The following DAXX variants were observed in gnomAD, a reference collection of about 807,000 sequenced individuals.
DAXX encodes death domain-associated protein 6.
In DAXX, 24 loss-of-function variants were observed where a neutral mutation model predicts 61.9. The ratio of observed to expected loss-of-function variants is 0.39; its 90% CI spans 0.28 to 0.55. DAXX has a LOEUF of 0.55. DAXX is among the 20% of genes least tolerant of loss of function. The probability of loss-of-function intolerance (pLI) is 0.69; values close to 1 mark genes in which losing one functional copy is unlikely to be tolerated. For synonymous variants in DAXX, 357 were observed against 369.5 expected (o/e 0.97, Z 0.39); for missense variants, 819 against 935.3 (o/e 0.88, Z 1.62).
Position 33,319,470 on chromosome 6 carries a change from A to G in DAXX, c.1850T>C (p.Val617Ala), listed in dbSNP as rs764773519. 21 of 1,613,856 alleles carry G rather than the reference A, an allele frequency of 1.3e-5. No individual in the cohort carries two copies. The highest frequency in any genetic ancestry group is 1.8e-5 in the Non-Finnish European group (21 of 1,180,006). Residue 617 changes from valine (V) to alanine (A), a missense_variant, in exon 6 of 8, where the codon GTC becomes GCC. Val to Ala is a moderately conservative substitution (Grantham distance 64). Coordinates refer to ENST00000374542, the MANE Select transcript of DAXX (RefSeq NM_001141969.2). ...MVSSTSFNGG[V>A]SPHNWGDSGP... ...AGAATCTCCCCAGTTGTGAGGAGAG[A>G]CGCCTCCATTGAAGGAAGTAGAAGA...
chr6:33,322,834 T>G, intron 1 of DAXX, 28 bp downstream of exon 1: 212 of 475,014 alleles, frequency 4.5e-4, no homozygotes, highest in Non-Finnish European at 7.1e-4. Flanking sequence ...CGCCCCCGCC[T>G]CTGATCCCCG....
At position 33,321,128 on chromosome 6, in the gene DAXX, T is replaced by C. The variant is rs750808441; in HGVS notation, c.647A>G (p.Asp216Gly). 16 of 1,613,258 alleles carry C rather than the reference T, an allele frequency of 9.9e-6. No individual in the cohort carries two copies. The highest frequency in any genetic ancestry group is 1.4e-5 in the Non-Finnish European group (16 of 1,179,324). ...QEKELDLSEL[D>G]DPDSAYLQEA... is the part of the protein sequence containing the mutation. ...CTGCAGGTATGCGGAGTCTGGGTCA[T>C]CCAATTCTGAGAGATCCAACTCCTT... The change falls in exon 3 of 8, where the codon GAT becomes GGT. Residue 216 changes from aspartate to glycine, a missense_variant. Physicochemically the swap from Asp to Gly is moderately conservative, Grantham distance 94. Coordinates refer to ENST00000374542, the MANE Select transcript of DAXX (RefSeq NM_001141969.2). The surrounding 1 kb of genome is among the most constrained non-coding windows in gnomAD (Gnocchi z 7.2).
In DAXX at chr6:33,319,762, C is replaced by T; in HGVS notation, c.1558G>A (p.Glu520Lys). 2 of 1,614,182 alleles carry T rather than the reference C, an allele frequency of 1.2e-6. No homozygotes were observed. Among genetic ancestry groups the T allele is most frequent in the Non-Finnish European group, 1.7e-6 (2 of 1,180,034 alleles). The change falls in exon 6 of 8, where the codon GAG becomes AAG. Residue 520 changes from glutamate to lysine, a missense_variant. Coordinates refer to ENST00000374542, the MANE Select transcript of DAXX (RefSeq NM_001141969.2). ...PGKQISRSSGEQQNKGRIVSP... is the reference protein window; with the variant it reads ...PGKQISRSSGKQQNKGRIVSP... ...ACTATGCGTCCTTTGTTTTGCTGCT[C>T]CCCTGAAGATCTGCTGATCTGTTTG...
chr6:33,321,310 G>A lies in DAXX; in HGVS notation c.465C>T (p.Pro155=), dbSNP rs1770580009. 6.2e-7 allele frequency: 1 copy of A among 1,611,492 alleles called. No homozygotes were observed. The highest frequency in any genetic ancestry group is 1.3e-5 in the African/African-American group (1 of 74,868). Residue 155 remains proline (P), a synonymous_variant, in exon 3 of 8, where the codon CCC becomes CCT. Transcript: ENST00000374542. The surrounding 1 kb of genome is among the most constrained non-coding windows in gnomAD (Gnocchi z 7.2). ...LAPAATTSNE[P]SGNNPPTHLS... Reference sequence around the variant, plus strand: ...GGTGTGTGGGAGGGTTATTCCCAGAGGGCTCATTGGAGGTGGTGGCGGCAG... The same window carrying A: ...GGTGTGTGGGAGGGTTATTCCCAGAAGGCTCATTGGAGGTGGTGGCGGCAG...
chr6:33,318,950 A>G, intron 7 of DAXX, 47 bp downstream of exon 7: 1 of 1,537,258 alleles, frequency 6.5e-7, no homozygotes, highest in East Asian at 2.3e-5. Context: ...GAAACAGCCA[A>G]TGAAAGAGAA....
rs755501402 is a variant in DAXX, at chr6:33,320,111, C to T, written c.1365G>A (p.Glu455=). Residue 455 remains glutamate (E), a synonymous_variant, in exon 5 of 8, where the codon GAG becomes GAA. Transcript: ENST00000374542. The surrounding 1 kb of genome is among the most constrained non-coding windows in gnomAD (Gnocchi z 7.1). ...EEEEEEEEEE[E]EEATDSEEEE... The stretch of plus-strand genomic sequence containing the variant: ...CCTCTTCAGAATCTGTGGCCTCCTC[C>T]TCTTCTTCTTCCTCCTCCTCCTCCT... The T allele has an allele frequency of 1.4e-5, 23 of 1,613,800 alleles. No homozygotes were observed. The highest frequency in any genetic ancestry group is 1.9e-5 in the Non-Finnish European group (22 of 1,179,940).
In DAXX at chr6:33,319,138, A is replaced by C. The variant is rs1770196644; in HGVS notation, c.2022T>G (p.Ala674=). The C allele has an allele frequency of 1.2e-6, 2 of 1,614,098 alleles. No individual in the cohort carries two copies. Among genetic ancestry groups the C allele is most frequent in the Non-Finnish European group, 1.7e-6 (2 of 1,180,038 alleles). ...CTLPSPPSPL[A]SLAPVADSST... ...AGGAATCAGCAACTGGGGCCAAGGA[A>C]GCCAAGGGGGAAGGTGGGCTGGGCA... is the stretch of plus-strand genomic sequence containing the variant. The change falls in exon 7 of 8, where the codon GCT becomes GCG. Residue 674 remains alanine (A), a synonymous_variant. Coordinates refer to ENST00000374542, the MANE Select transcript of DAXX (RefSeq NM_001141969.2).
At chr6:33,319,267 C>A (rs2150987919) in intron 6 of DAXX, 48 bp from the exon 7 acceptor site, 1 of 1,566,036 alleles carries the variant, frequency 6.4e-7, no homozygotes, top group Admixed American at 1.8e-5. Flanking sequence ...AAGACTGAGG[C>A]TGGAGGGGGG....
Position 33,320,045 on chromosome 6 carries a change from A to C in DAXX, c.1431T>G (p.Asp477Glu), listed in dbSNP as rs145347312. Reference sequence around the variant, plus strand: ...CTTCTTCCTCTTCGTCCTCCTCTTCATCATCCTCCTGACCCTCCTGCATCT... The same window carrying C: ...CTTCTTCCTCTTCGTCCTCCTCTTCCTCATCCTCCTGACCCTCCTGCATCT... ...LEQMQEGQED[D>E]EEEDEEEEAA... is the part of the protein sequence containing the mutation. Residue 477 changes from aspartate to glutamate, a missense_variant, in exon 5 of 8, where the codon GAT becomes GAG. Asp to Glu is a conservative substitution (Grantham distance 45, BLOSUM62 2). Coordinates refer to ENST00000374542, the MANE Select transcript of DAXX (RefSeq NM_001141969.2). This position sits in a 1 kb window ranked among gnomAD's most constrained non-coding sequence, Gnocchi z 7.1. 14 of 1,613,276 alleles carry C rather than the reference A, an allele frequency of 8.7e-6. No individual in the cohort carries two copies. In the East Asian group the frequency reaches 3.1e-4, roughly 36 times the overall value.
intron 5 of DAXX, 72 bp from the exon 6 acceptor site, chr6:33,319,926 G>T: frequency 6.2e-7 from 1 of 1,601,168 alleles, no homozygotes; most frequent in South Asian, 1.1e-5. Context: ...AGGACACTAG[G>T]AGGAGGAAGG....
At position 33,318,707 on chromosome 6, in the gene DAXX, C is replaced by G; in HGVS notation, c.*36G>C. 9.3e-7 allele frequency: 1 copy of G among 1,076,180 alleles called. No individual in the cohort carries two copies. The highest frequency in any genetic ancestry group is 1.4e-6 in the Non-Finnish European group (1 of 730,304). The allele number at this position is 1,076,180 out of a possible 1,614,324, so 66.7% of individuals were successfully genotyped here. ...TTCCCACCTTCCTCCAAATGTTATCCCAGAACATTCTGGAGGCAGGGAGAA... is the reference window on the plus strand; with the variant it reads ...TTCCCACCTTCCTCCAAATGTTATCGCAGAACATTCTGGAGGCAGGGAGAA... On this transcript the variant is annotated 3_prime_UTR_variant, in exon 8 of 8. Coordinates refer to ENST00000374542, the MANE Select transcript of DAXX (RefSeq NM_001141969.2).
intron 1 of DAXX, 134 bp from the exon 2 acceptor site, chr6:33,322,111 T>C (rs1441894315): frequency 7.2e-6 from 4 of 556,756 alleles, no homozygotes; most frequent in Non-Finnish European, 1.2e-5. Context: ...CTGATTTCAA[T>C]AACCATTAGT....
chr6:33,320,297 TC>T lies in DAXX; in HGVS notation c.1252-74del, dbSNP rs1770410456. 4 of 1,452,806 alleles carry T rather than the reference TC, an allele frequency of 2.8e-6. No homozygotes were observed. The highest frequency in any genetic ancestry group is 3.9e-6 in the Non-Finnish European group (4 of 1,033,538). The allele number at this position is 1,452,806 out of a possible 1,614,324, so 90.0% of individuals were successfully genotyped here. A position where few individuals can be genotyped will look rare whatever the true frequency, so the allele number is the denominator to read the frequency against. The stretch of plus-strand genomic sequence containing the variant: ...TTGGTTCTTGCTTTCCTTCTCATGC[TC>T]CCCCATCAGTCAACCTGGACTCCCT... On this transcript the variant is annotated intron_variant, in intron 4 of 7. Coordinates refer to ENST00000374542, the MANE Select transcript of DAXX (RefSeq NM_001141969.2). The surrounding 1 kb of genome is among the most constrained non-coding windows in gnomAD (Gnocchi z 7.1).
rs368092562 is a variant in DAXX at position 33,322,937 on chromosome 6, A to G, written c.-128T>C. ...CATGGTTCCCTCCGCCTTCCTTCCC[A>G]CTCCCACCGCAGGCCCCACTACGGA... is the stretch of plus-strand genomic sequence containing the variant. On this transcript the variant is annotated 5_prime_UTR_variant, in exon 1 of 8. Transcript: ENST00000374542. The G allele has an allele frequency of 2.1e-5, 29 of 1,368,634 alleles. No homozygotes were observed. Among genetic ancestry groups the G allele is most frequent in the African/African-American group, 3.1e-5 (2 of 65,262 alleles). 84.8% of individuals were successfully genotyped at this position (1,368,634 alleles called of 1,614,324 possible).
Position 33,319,834 on chromosome 6 carries a change from G to A in DAXX, c.1486C>T (p.Pro496Ser). 3 of 1,609,956 alleles carry A rather than the reference G, an allele frequency of 1.9e-6. No individual in the cohort carries two copies. The highest frequency in any genetic ancestry group is 2.5e-6 in the Non-Finnish European group (3 of 1,178,144). The change falls in exon 6 of 8, where the codon CCC becomes TCC. Residue 496 changes from proline (P) to serine (S), a missense_variant. By Grantham distance (74) the Pro-to-Ser change is moderately conservative. Transcript: ENST00000374542. ...TTGGAGATCTGTAGTGAGGACATGG[G>A]GCTCTTGTCTCCATCTTTACCTGGA... ...AAAGKDGDKS[P>S]MSSLQISNEK... is the part of the protein sequence containing the mutation.
intron 5 of DAXX, 23 bp downstream of exon 5, chr6:33,319,988 A>G (rs757490566): frequency 1.9e-6 from 3 of 1,613,752 alleles, no homozygotes. Flanking sequence ...ATGACAGGTG[A>G]GGAGAATGTT....
In DAXX at chr6:33,320,117, TTCTTCCTCCTCCTCCTCC is replaced by T; in HGVS notation, c.1341_1358del (p.Glu452_Glu457del). 6.2e-7 allele frequency: 1 copy of T among 1,613,956 alleles called. No homozygotes were observed. The highest frequency in any genetic ancestry group is 8.5e-7 in the Non-Finnish European group (1 of 1,179,894). ...CAGAATCTGTGGCCTCCTCCTCTTC[TTCTTCCTCCTCCTCCTCC>T]TCTTCCTCATCACTCTCCTCATCGT... On this transcript the variant is annotated inframe_deletion, in exon 5 of 8. Transcript: ENST00000374542. The surrounding 1 kb of genome is among the most constrained non-coding windows in gnomAD (Gnocchi z 7.1).
At position 33,320,286 on chromosome 6, in the gene DAXX, C is replaced by T. The variant is rs779662161; in HGVS notation, c.1252-62G>A. On this transcript the variant is annotated intron_variant, in intron 4 of 7. Transcript: ENST00000374542. The surrounding 1 kb of genome is among the most constrained non-coding windows in gnomAD (Gnocchi z 7.1). ...CCCCAGAGGGTTTGGTTCTTGCTTT[C>T]CTTCTCATGCTCCCCCATCAGTCAA... The T allele has an allele frequency of 4.1e-6, 6 of 1,473,500 alleles. No individual in the cohort carries two copies. The Admixed American group carries it at 1.0e-4, about 25-fold the overall frequency. The allele number at this position is 1,473,500 out of a possible 1,614,324, so 91.3% of individuals were successfully genotyped here. A position where few individuals can be genotyped will look rare whatever the true frequency, so the allele number is the denominator to read the frequency against.
At position 33,320,131 on chromosome 6, in the gene DAXX, C is replaced by T. The variant is rs757935715; in HGVS notation, c.1345G>A (p.Glu449Lys). The T allele has an allele frequency of 1.2e-6, 2 of 1,614,046 alleles. No homozygotes were observed. The highest frequency in any genetic ancestry group is 3.3e-5 in the Admixed American group (2 of 60,014). Residue 449 changes from glutamate (E) to lysine (K), a missense_variant, in exon 5 of 8, where the codon GAG (glutamate) becomes AAG (lysine). By Grantham distance (56) the Glu-to-Lys change is moderately conservative. Coordinates refer to ENST00000374542, the MANE Select transcript of DAXX (RefSeq NM_001141969.2). This position sits in a 1 kb window ranked among gnomAD's most constrained non-coding sequence, Gnocchi z 7.1. Reference sequence around the variant, plus strand: ...TCCTCCTCTTCTTCTTCCTCCTCCTCCTCCTCTTCCTCATCACTCTCCTCA... The same window carrying T: ...TCCTCCTCTTCTTCTTCCTCCTCCTTCTCCTCTTCCTCATCACTCTCCTCA... ...DDEESDEEEE[E>K]EEEEEEEEAT... is the part of the protein sequence containing the mutation.
Sources: allele counts gnomAD v4.1 joint callset, GRCh38; gene constraint gnomAD v4.1.1; non-coding constraint Gnocchi (gnomAD v3.1); transcripts MANE v1.5; gene names NCBI Gene and HGNC (gene_info 2026-07-23, HGNC 2026-07-21).